Variants in TMSB15A observed in about 807,000 individuals in gnomAD.
TMSB15A encodes thymosin beta 15A, also known as thymosin beta-15A.
In TMSB15A, 1 loss-of-function variant was observed where a neutral mutation model predicts 3.2. The observed-to-expected ratio is 0.32, with a 90% CI of 0.11 to 1.50. The LOEUF is 1.50. TMSB15A is among the 40% of genes most tolerant of loss of function. TMSB15A has a pLI of 0.39. For synonymous variants in TMSB15A, 10 were observed against 11.2 expected, an observed-to-expected ratio of 0.90 and a Z score of 0.21; for missense variants, 22 against 27.8, an observed-to-expected ratio of 0.79 and a Z score of 0.47.
Position 102,515,235 on chromosome X carries a change from T to G in TMSB15A, c.-17-55A>C, listed in dbSNP as rs901902108. The G allele has an allele frequency of 7.6e-5, 84 of 1,103,455 alleles. No homozygotes were observed. The Middle Eastern group carries it at 1.1e-3, about 14-fold the overall frequency. 90.9% of individuals were successfully genotyped at this position (1,103,455 alleles called of 1,213,427 possible). On this transcript the variant is annotated intron_variant, in intron 1 of 2. Coordinates refer to ENST00000289373, the MANE Select transcript of TMSB15A (RefSeq NM_021992.3). ...TTACCTGGCAGAACTGTCTTCGGAC[T>G]AAGGGGTCACAAGCAAAAATTTTCA...
intron 2 of TMSB15A, 87 bp downstream of exon 2, chrX:102,514,977 G>A: frequency 2.9e-6 from 3 of 1,043,274 alleles, no homozygotes; most frequent in Non-Finnish European, 3.9e-6. Flanking sequence ...TTACTTTGTG[G>A]CAAAAATTTA....
chrX:102,514,273 G>A, intron 2 of TMSB15A, 149 bp from the exon 3 acceptor site: 1 of 591,783 alleles, frequency 1.7e-6, no homozygotes, highest in East Asian at 3.3e-5. Context: ...CCTCACATTA[G>A]GGTGTGTGCA....
intron 2 of TMSB15A, among the ~76,000 whole-genome samples, chrX:102,514,432 T>A (rs1688607216): frequency 8.9e-6 from 1 of 112,394 alleles, no homozygotes; most frequent in African/African-American, 3.2e-5. Context: ...CGGATTTATC[T>A]ATCCATATAC....
At chrX:102,514,274 G>A in intron 2 of TMSB15A, 150 bp from the exon 3 acceptor site, 1 of 585,647 alleles carries the variant, frequency 1.7e-6, no homozygotes, top group Non-Finnish European at 2.9e-6. Flanking sequence ...CTCACATTAG[G>A]GTGTGTGCAT....
At chrX:102,516,179 T>C (rs1556403686) in intron 1 of TMSB15A, among the ~76,000 whole-genome samples, 1 of 111,891 alleles carries the variant, frequency 8.9e-6, no homozygotes, top group East Asian at 2.8e-4. Context: ...GCTGGAAAAC[T>C]GGAACTAACA....
rs180858847 is a variant in TMSB15A, at chrX:102,513,987, C to T, written c.*100G>A. ...ACATAGGTGAGAAGATATCCGAAGA[C>T]GCCTAAAATCTCTACAAACACATGG... On this transcript the variant is annotated 3_prime_UTR_variant, in exon 3 of 3. Coordinates refer to ENST00000289373, the MANE Select transcript of TMSB15A (RefSeq NM_021992.3). 26 of 950,704 alleles carry T rather than the reference C, an allele frequency of 2.7e-5. No homozygotes were observed. The highest frequency in any genetic ancestry group is 4.1e-5 in the South Asian group (2 of 49,050). The allele number at this position is 950,704 out of a possible 1,213,427, so 78.3% of individuals were successfully genotyped here.
Position 102,514,056 on chromosome X carries a change from C to T in TMSB15A, c.*31G>A, listed in dbSNP as rs1934868753. On this transcript the variant is annotated 3_prime_UTR_variant, in exon 3 of 3. Coordinates refer to ENST00000289373, the MANE Select transcript of TMSB15A (RefSeq NM_021992.3). ...TAAAATCAAGACTCTCAGGTAATGT[C>T]GAAATCTGCTGTTGGGAGGCGATCC... 6.6e-6 allele frequency: 8 copies of T among 1,207,298 alleles called. No homozygotes were observed. Among genetic ancestry groups the T allele is most frequent in the South Asian group, 3.5e-5 (2 of 56,672 alleles).
chrX:102,514,913 A>C, intron 2 of TMSB15A, 151 bp downstream of exon 2: 6 of 530,317 alleles, frequency 1.1e-5, no homozygotes, highest in Non-Finnish European at 1.8e-5. Flanking sequence ...TAGGAAGATG[A>C]CTATTTGATG....
chrX:102,515,372 A>G (rs1224961265), intron 1 of TMSB15A, among the ~76,000 whole-genome samples, 192 bp from the exon 2 acceptor site: 2 of 111,929 alleles, frequency 1.8e-5, no homozygotes, highest in Non-Finnish European at 3.8e-5. Flanking sequence ...TCATTAGCCC[A>G]TTTTGATATG....
rs1273221092 is a variant in TMSB15A, at chrX:102,513,942, T to C, written c.*145A>G. The C allele has an allele frequency of 4.7e-6, 3 of 638,660 alleles. No individual in the cohort carries two copies. The highest frequency in any genetic ancestry group is 7.5e-6 in the Non-Finnish European group (3 of 399,987). 52.6% of individuals were successfully genotyped at this position (638,660 alleles called of 1,213,427 possible). ...TGAATTTAAGGAAACATTGGCTACC[T>C]CTGACTTCTTAGCCAGGGAACATAG... On this transcript the variant is annotated 3_prime_UTR_variant, in exon 3 of 3. Coordinates refer to ENST00000289373, the MANE Select transcript of TMSB15A (RefSeq NM_021992.3).
intron 1 of TMSB15A, among the ~76,000 whole-genome samples, chrX:102,516,419 C>T (rs1833578819): frequency 8.9e-6 from 1 of 112,826 alleles, no homozygotes; most frequent in African/African-American, 3.2e-5. Context: ...CCGCGCTCCC[C>T]GCCTCCCAAC....
At chrX:102,514,342 T>C (rs1934871523) in intron 2 of TMSB15A, among the ~76,000 whole-genome samples, 2 of 112,174 alleles carry the variant, frequency 1.8e-5, no homozygotes, top group African/African-American at 6.5e-5. Flanking sequence ...GTGGAGGATT[T>C]TCTCCCATTT....
intron 2 of TMSB15A, 56 bp from the exon 3 acceptor site, chrX:102,514,180 T>C: frequency 1.7e-6 from 2 of 1,185,126 alleles, no homozygotes. Context: ...TAAGTTCAGT[T>C]TCTTTCAAAA....
chrX:102,514,936 A>T, intron 2 of TMSB15A, 128 bp downstream of exon 2: 1 of 652,009 alleles, frequency 1.5e-6, no homozygotes, highest in Non-Finnish European at 2.3e-6. Context: ...TTTAACTGTT[A>T]CATTAAACAC....
At chrX:102,515,469 C>A (rs1166560975) in intron 1 of TMSB15A, among the ~76,000 whole-genome samples, 3 of 111,546 alleles carry the variant, frequency 2.7e-5, no homozygotes, top group African/African-American at 9.8e-5. Flanking sequence ...AAAATCACAG[C>A]AAGGGTAAAA....
rs782453521 is a variant in TMSB15A, at chrX:102,513,932, A to G, written c.*155T>C. 1.6e-5 allele frequency: 9 copies of G among 577,746 alleles called. No individual in the cohort carries two copies. The South Asian group carries it at 2.3e-4, about 15-fold the overall frequency. 47.6% of individuals were successfully genotyped at this position (577,746 alleles called of 1,213,427 possible). A position where few individuals can be genotyped will look rare whatever the true frequency, so the allele number is the denominator to read the frequency against. ...AGTTTAAAAATGAATTTAAGGAAAC[A>G]TTGGCTACCTCTGACTTCTTAGCCA... is the stretch of plus-strand genomic sequence containing the variant. On this transcript the variant is annotated 3_prime_UTR_variant, in exon 3 of 3. Transcript: ENST00000289373.
Position 102,513,897 on chromosome X carries a change from A to C in TMSB15A, c.*190T>G, listed in dbSNP as rs1934867420. The C allele has an allele frequency of 2.0e-6, 1 of 488,344 alleles. No individual in the cohort carries two copies. Among genetic ancestry groups the C allele is most frequent in the Admixed American group, 3.3e-5 (1 of 29,930 alleles). 40.2% of individuals were successfully genotyped at this position (488,344 alleles called of 1,213,427 possible). On this transcript the variant is annotated 3_prime_UTR_variant, in exon 3 of 3. Coordinates refer to ENST00000289373, the MANE Select transcript of TMSB15A (RefSeq NM_021992.3). ...AGCATCTGCCATCTGGAACATATGCACCAATGGTAAGTTTAAAAATGAATT... is the reference window on the plus strand; with the variant it reads ...AGCATCTGCCATCTGGAACATATGCCCCAATGGTAAGTTTAAAAATGAATT...
chrX:102,513,835 T>C lies in TMSB15A; in HGVS notation c.*252A>G. 2.5e-6 allele frequency: 1 copy of C among 400,473 alleles called. No individual in the cohort carries two copies. Among genetic ancestry groups the C allele is most frequent in the Non-Finnish European group, 4.4e-6 (1 of 227,026 alleles). 33.0% of individuals were successfully genotyped at this position (400,473 alleles called of 1,213,427 possible). A position where few individuals can be genotyped will look rare whatever the true frequency, so the allele number is the denominator to read the frequency against. On this transcript the variant is annotated 3_prime_UTR_variant, in exon 3 of 3. Transcript: ENST00000289373. ...CTTATCCAGTATAGGATGCAAGAAC[T>C]ACATACACAAAGGTCATCAATGGTG...
At chrX:102,514,977 GC>G in intron 2 of TMSB15A, 86 bp downstream of exon 2, 2 of 1,043,276 alleles carry the variant, frequency 1.9e-6, no homozygotes, top group Non-Finnish European at 2.6e-6. Context: ...TTACTTTGTG[GC>G]AAAAATTTAC....
Sources: allele counts gnomAD v4.1 joint callset (sites outside exome capture counted in the v4.1 genomes callset), GRCh38; gene constraint gnomAD v4.1.1; transcripts MANE v1.5; gene names NCBI Gene and HGNC (gene_info 2026-07-23, HGNC 2026-07-21).